The following MAGI2 variants were observed in gnomAD, a reference collection of about 807,000 sequenced individuals.
MAGI2 encodes the protein membrane associated guanylate kinase, WW and PDZ domain containing 2.
MAGI2 carries 35 observed loss-of-function variants against 133.3 expected under a neutral mutation model. The ratio of observed to expected loss-of-function variants is 0.26; its 90% confidence interval spans 0.20 to 0.35. The LOEUF is 0.35. Among genes scored for constraint, MAGI2 ranks in the 10% least tolerant of loss-of-function variants. The pLI is 1.00. For missense variants in MAGI2, 1,636 were observed against 1,863.4 expected, an observed-to-expected ratio of 0.88 and a Z score of 2.25; for synonymous variants, 729 against 710.6, an observed-to-expected ratio of 1.03 and a Z score of -0.41.
At chr7:79,282,126 G>A (rs1835689999) in intron 1 of MAGI2, among the ~76,000 whole-genome samples, 1 of 152,104 alleles carries the variant, frequency 6.6e-6, no homozygotes, top group African/African-American at 2.4e-5. Flanking sequence ...TAATCCCTCT[G>A]AAAATTTTAT....
chr7:79,205,180 T>A (rs1009810306), intron 1 of MAGI2, among the ~76,000 whole-genome samples: 1 of 151,914 alleles, frequency 6.6e-6, no homozygotes, highest in African/African-American at 2.4e-5. Flanking sequence ...AGACATATTA[T>A]AACCCAATTG....
rs754822417 is a variant in MAGI2 at position 79,237,232 on chromosome 7, A to T, written c.301+215788T>A. Among the ~76,000 whole-genome samples, 28 of 152,324 alleles carry T rather than the reference A, an allele frequency of 1.8e-4. 1 individual carries two copies. In the East Asian group the frequency reaches 4.6e-3, roughly 25 times the overall value. On this transcript the variant is annotated intron_variant, in intron 1 of 21. Coordinates refer to ENST00000354212, the MANE Select transcript of MAGI2 (RefSeq NM_012301.4). ...ATACACTTGCCGGGCGCGGTGGCTCACGCCTGTAATCCCAGCACTTTGGGA... is the reference window on the plus strand; with the variant it reads ...ATACACTTGCCGGGCGCGGTGGCTCTCGCCTGTAATCCCAGCACTTTGGGA...
rs182346283 is a variant in MAGI2, at chr7:79,204,095, G to A, written c.302-196889C>T. Among the ~76,000 whole-genome samples, 16 of 152,176 alleles carry A rather than the reference G, an allele frequency of 1.1e-4. No homozygotes were observed. The East Asian group carries it at 3.1e-3, about 29-fold the overall frequency. ...GAGAGAGATACAGTTCACATGGTGGGAAAAGAGATGTGAGTGCAAAACTTT... is the reference window on the plus strand; with the variant it reads ...GAGAGAGATACAGTTCACATGGTGGAAAAAGAGATGTGAGTGCAAAACTTT... On this transcript the variant is annotated intron_variant, in intron 1 of 21. Transcript: ENST00000354212.
At chr7:78,676,814 C>G (rs1405660235) in intron 2 of MAGI2, among the ~76,000 whole-genome samples, 1 of 151,968 alleles carries the variant, frequency 6.6e-6, no homozygotes, top group African/African-American at 2.4e-5. Flanking sequence ...AATTTTGTGT[C>G]TTTTCAGAAC....
intron 1 of MAGI2, among the ~76,000 whole-genome samples, chr7:79,376,137 C>T (rs902965176): frequency 6.6e-6 from 1 of 151,708 alleles, no homozygotes; most frequent in Non-Finnish European, 1.5e-5. Flanking sequence ...TATAGTAGTT[C>T]CCCTTATCAT....
At chr7:78,522,151 G>A (rs563442631) in intron 3 of MAGI2, among the ~76,000 whole-genome samples, 5 of 152,180 alleles carry the variant, frequency 3.3e-5, no homozygotes, top group South Asian at 2.1e-4. Flanking sequence ...CTGTATCCCC[G>A]TGCCAGTCTA....
chr7:78,797,940 C>A (rs1488902042), intron 2 of MAGI2, among the ~76,000 whole-genome samples: 1 of 152,030 alleles, frequency 6.6e-6, no homozygotes, highest in Non-Finnish European at 1.5e-5. Flanking sequence ...CATTCTAATT[C>A]CAGAGGGATC....
At chr7:78,900,315 G>A (rs1236916748) in intron 2 of MAGI2, among the ~76,000 whole-genome samples, 3 of 152,064 alleles carry the variant, frequency 2.0e-5, no homozygotes, top group African/African-American at 2.4e-5. Context: ...TCTTACTCTC[G>A]AAACTCTCCT....
intron 2 of MAGI2, among the ~76,000 whole-genome samples, chr7:78,661,486 C>A (rs1328797526): frequency 6.6e-6 from 1 of 152,200 alleles, no homozygotes; most frequent in Non-Finnish European, 1.5e-5. Context: ...GACCATTTCT[C>A]TAGTCATCCA....
intron 9 of MAGI2, among the ~76,000 whole-genome samples, chr7:78,288,027 A>C (rs188695816): frequency 2.3e-4 from 35 of 152,334 alleles, no homozygotes; most frequent in African/African-American, 7.0e-4. Context: ...TATAAATACT[A>C]TCATCTTCCT....
chr7:79,029,070 T>C (rs1810309157), intron 1 of MAGI2, among the ~76,000 whole-genome samples: 1 of 152,194 alleles, frequency 6.6e-6, no homozygotes, highest in Non-Finnish European at 1.5e-5. Context: ...GTAGCATTAC[T>C]ATAGACTGCC....
At chr7:78,416,306 T>C (rs147600720) in intron 6 of MAGI2, among the ~76,000 whole-genome samples, 2 of 152,144 alleles carry the variant, frequency 1.3e-5, no homozygotes, top group East Asian at 3.9e-4. Context: ...AGGGCTGAGA[T>C]AAAAAATGCA....
intron 1 of MAGI2, among the ~76,000 whole-genome samples, chr7:79,187,727 TAAAAAC>T (rs1827290518): frequency 6.6e-6 from 1 of 151,806 alleles, no homozygotes; most frequent in Admixed American, 6.6e-5. Context: ...ACCAAATTTA[TAAAAAC>T]AAAAACAATT....
At chr7:78,508,182 C>T (rs183208791) in intron 4 of MAGI2, among the ~76,000 whole-genome samples, 1 of 152,038 alleles carries the variant, frequency 6.6e-6, no homozygotes. Flanking sequence ...AGGATGACCA[C>T]GTCCTAACTA....
At chr7:78,241,815 T>C (rs1432007191) in intron 10 of MAGI2, among the ~76,000 whole-genome samples, 1 of 151,482 alleles carries the variant, frequency 6.6e-6, no homozygotes, top group East Asian at 1.9e-4. Flanking sequence ...GCACCTGTAA[T>C]CCCAGCTTCT....
At chr7:78,257,753 A>T (rs1035946667) in intron 9 of MAGI2, among the ~76,000 whole-genome samples, 3 of 152,142 alleles carry the variant, frequency 2.0e-5, no homozygotes, top group Non-Finnish European at 4.4e-5. Context: ...TTGCAAATTG[A>T]GATTGTGCCT....
At chr7:79,173,085 C>A (rs1017738803) in intron 1 of MAGI2, 1 of 151,682 alleles carries the variant, frequency 6.6e-6, no homozygotes, top group African/African-American at 2.4e-5. Flanking sequence ...ATTATTAGAA[C>A]TTTATTATAA....
At chr7:78,227,362 C>T (rs922990030) in intron 10 of MAGI2, among the ~76,000 whole-genome samples, 1 of 152,154 alleles carries the variant, frequency 6.6e-6, no homozygotes, top group Non-Finnish European at 1.5e-5. Context: ...ATTTCAATTA[C>T]CCAACAGTAT....
At chr7:79,415,789 G>C (rs1846462134) in intron 1 of MAGI2, 2 of 152,198 alleles carry the variant, frequency 1.3e-5, no homozygotes, top group African/African-American at 4.8e-5. Context: ...CATTGGGTCT[G>C]AATCTGGAAG....
Sources: allele counts gnomAD v4.1 joint callset (sites outside exome capture counted in the v4.1 genomes callset), GRCh38; gene constraint gnomAD v4.1.1; transcripts MANE v1.5; gene names NCBI Gene and HGNC (gene_info 2026-07-23, HGNC 2026-07-21).